SEC22B: variants seen among roughly 807,000 people sequenced by gnomAD.
SEC22B encodes the protein vesicle-trafficking protein SEC22b.
In SEC22B, 10 loss-of-function variants were observed where a neutral mutation model predicts 31.4. The ratio of observed to expected loss-of-function variants is 0.32; its 90% CI spans 0.20 to 0.54. SEC22B has a LOEUF of 0.54. SEC22B is among the 20% of genes least tolerant of loss of function. The pLI, the probability that SEC22B is intolerant of heterozygous loss-of-function variation, is 0.94. For synonymous variants in SEC22B, 60 were observed against 95.9 expected, an observed-to-expected ratio of 0.63 and a Z score of 2.19; for missense variants, 130 against 263.4, an observed-to-expected ratio of 0.49 and a Z score of 3.50.
chr1:120,172,925 G>A (rs1657912129), intron 1 of SEC22B, among the ~76,000 whole-genome samples: 1 of 143,282 alleles, frequency 7.0e-6, no homozygotes, highest in Non-Finnish European at 1.5e-5. Flanking sequence ...AAGATAGAAG[G>A]TAGTAACTAG....
At chr1:120,164,559 T>C (rs1657775710) in intron 2 of SEC22B, among the ~76,000 whole-genome samples, 1 of 152,202 alleles carries the variant, frequency 6.6e-6, no homozygotes. Context: ...ACTTAGGTAA[T>C]GACTTCCAGC....
rs1454769987 is a variant in SEC22B at position 120,151,603 on chromosome 1, T to A, written c.*5435A>T. 3 of 150,990 alleles carry A rather than the reference T, an allele frequency of 2.0e-5. No homozygotes were observed. The highest frequency in any genetic ancestry group is 7.4e-5 in the African/African-American group (3 of 40,802). The allele number at this position is 150,990 out of a possible 1,614,324, so 9.4% of individuals were successfully genotyped here. A position where few individuals can be genotyped will look rare whatever the true frequency, so the allele number is the denominator to read the frequency against. On this transcript the variant is annotated 3_prime_UTR_variant, in exon 5 of 5. Transcript: ENST00000578049. ...ATCACTTGAACCCGGGAGGTGGAGG[T>A]TGCAGTGAGCTGAGATCGCGCCACT...
chr1:120,165,615 GC>G (rs1408859922), intron 2 of SEC22B, among the ~76,000 whole-genome samples: 6 of 151,970 alleles, frequency 3.9e-5, no homozygotes, highest in Non-Finnish European at 7.4e-5. Context: ...GTAGGAGTTT[GC>G]AAATATTTTC....
rs1261647078 is a variant in SEC22B at position 120,151,785 on chromosome 1, TG to T, written c.*5252del. 1 of 151,366 alleles carries T rather than the reference TG, an allele frequency of 6.6e-6. No individual in the cohort carries two copies. Among genetic ancestry groups the T allele is most frequent in the Non-Finnish European group, 1.5e-5 (1 of 67,768 alleles). 9.4% of individuals were successfully genotyped at this position (151,366 alleles called of 1,614,324 possible). ...ATCCATGTTAAAGTTAATGAGGGCTTGAACCCAAACATAAAGGATGGAAATG... is the reference window on the plus strand; with the variant it reads ...ATCCATGTTAAAGTTAATGAGGGCTTAACCCAAACATAAAGGATGGAAATG... On this transcript the variant is annotated 3_prime_UTR_variant, in exon 5 of 5. Coordinates refer to ENST00000578049, the MANE Select transcript of SEC22B (RefSeq NM_004892.6).
At position 120,152,102 on chromosome 1, in the gene SEC22B, A is replaced by G. The variant is rs1369297194; in HGVS notation, c.*4936T>C. On this transcript the variant is annotated 3_prime_UTR_variant, in exon 5 of 5. Transcript: ENST00000578049. The stretch of plus-strand genomic sequence containing the variant: ...GCCCAAAAAACAAGTTTGAAGGTAT[A>G]TTTGGGAGTTACCAGTAATATAGGT... 1 of 152,114 alleles carries G rather than the reference A, an allele frequency of 6.6e-6. No homozygotes were observed. Among genetic ancestry groups the G allele is most frequent in the African/African-American group, 2.4e-5 (1 of 41,388 alleles). 9.4% of individuals were successfully genotyped at this position (152,114 alleles called of 1,614,324 possible).
chr1:120,163,576 T>TTTTTTG (rs1657753936), intron 2 of SEC22B, among the ~76,000 whole-genome samples: 2 of 133,144 alleles, frequency 1.5e-5, no homozygotes, highest in African/African-American at 7.8e-5. Context: ...ATATTCTTTT[T>TTTTTTG]TTTTTCTTTT....
At chr1:120,160,738 A>T (rs1353001940) in intron 3 of SEC22B, among the ~76,000 whole-genome samples, 3 of 151,980 alleles carry the variant, frequency 2.0e-5, no homozygotes, top group African/African-American at 7.3e-5. Context: ...AAATATAAAA[A>T]GTTAGCCAGG....
In SEC22B at chr1:120,152,581, G is replaced by C. The variant is rs1377690380; in HGVS notation, c.*4457C>G. On this transcript the variant is annotated 3_prime_UTR_variant, in exon 5 of 5. Coordinates refer to ENST00000578049, the MANE Select transcript of SEC22B (RefSeq NM_004892.6). ...TTGGATTAACATTGAGATCAAATGA[G>C]AAAGGAGCAAATAAGGAAAGAGGTA... is the stretch of plus-strand genomic sequence containing the variant. The C allele has an allele frequency of 6.6e-6, 1 of 150,778 alleles. No individual in the cohort carries two copies. Among genetic ancestry groups the C allele is most frequent in the Admixed American group, 6.6e-5 (1 of 15,142 alleles). The allele number at this position is 150,778 out of a possible 1,614,324, so 9.3% of individuals were successfully genotyped here.
At chr1:120,159,554 A>G (rs1657682476) in intron 4 of SEC22B, among the ~76,000 whole-genome samples, 1 of 148,972 alleles carries the variant, frequency 6.7e-6, no homozygotes, top group South Asian at 2.1e-4. Context: ...TTAAATATAT[A>G]TTTAATATGG....
rs1397956596 is a variant in SEC22B at position 120,153,402 on chromosome 1, GA to G, written c.*3635del. On this transcript the variant is annotated 3_prime_UTR_variant, in exon 5 of 5. Transcript: ENST00000578049. ...AATAAGGTGGAAATTTAAAATATGA[GA>G]TATTTTATTATACATGTTTTATTAA... 2 of 151,362 alleles carry G rather than the reference GA, an allele frequency of 1.3e-5. No homozygotes were observed. Among genetic ancestry groups the G allele is most frequent in the African/African-American group, 4.9e-5 (2 of 40,990 alleles). 9.4% of individuals were successfully genotyped at this position (151,362 alleles called of 1,614,324 possible). A position where few individuals can be genotyped will look rare whatever the true frequency, so the allele number is the denominator to read the frequency against.
At chr1:120,167,026 T>A (rs1468237426) in intron 2 of SEC22B, among the ~76,000 whole-genome samples, 6 of 147,246 alleles carry the variant, frequency 4.1e-5, no homozygotes, top group African/African-American at 1.6e-4. Flanking sequence ...TCCTGAGGCA[T>A]CCTAGGGCTC....
rs1553229035 is a variant in SEC22B at position 120,153,843 on chromosome 1, A to C, written c.*3195T>G. ...AAACAGTATGTGATACTTGATGTGC[A>C]TGTACACAGGAACATTTTTCTAGAG... On this transcript the variant is annotated 3_prime_UTR_variant, in exon 5 of 5. Transcript: ENST00000578049. 6.8e-6 allele frequency: 1 copy of C among 146,912 alleles called. No individual in the cohort carries two copies. Among genetic ancestry groups the C allele is most frequent in the Non-Finnish European group, 1.5e-5 (1 of 67,172 alleles). 9.1% of individuals were successfully genotyped at this position (146,912 alleles called of 1,614,324 possible). A position where few individuals can be genotyped will look rare whatever the true frequency, so the allele number is the denominator to read the frequency against.
At chr1:120,170,604 C>T (rs1172925847) in intron 1 of SEC22B, among the ~76,000 whole-genome samples, 3,532 of 151,284 alleles carry the variant, frequency 0.023, 142 homozygotes, top group African/African-American at 0.083. Flanking sequence ...TGTTTAATAC[C>T]ACTGTTATGG....
At chr1:120,170,989 TTAA>T (rs1417505008) in intron 1 of SEC22B, among the ~76,000 whole-genome samples, 1 of 129,936 alleles carries the variant, frequency 7.7e-6, no homozygotes, top group Non-Finnish European at 1.5e-5. Flanking sequence ...TTAAAATTCT[TTAA>T]TAAAAAAAAG....
intron 3 of SEC22B, among the ~76,000 whole-genome samples, chr1:120,162,690 T>C (rs1396604762): frequency 1.3e-5 from 2 of 152,244 alleles, no homozygotes; most frequent in African/African-American, 4.8e-5. Flanking sequence ...TATTCCTGAA[T>C]GTAGTAAATA....
At chr1:120,173,087 C>T (rs1225344295) in intron 1 of SEC22B, among the ~76,000 whole-genome samples, 3 of 140,836 alleles carry the variant, frequency 2.1e-5, no homozygotes, top group Non-Finnish European at 4.6e-5. Flanking sequence ...GGTCAAAGAC[C>T]AGCAGCACCA....
In SEC22B at chr1:120,160,511, G is replaced by C. The variant is rs1301852610; in HGVS notation, c.366C>G (p.Thr122=). 105 of 1,588,470 alleles carry C rather than the reference G, an allele frequency of 6.6e-5. No individual in the cohort carries two copies. Among genetic ancestry groups the C allele is most frequent in the Non-Finnish European group, 8.7e-5 (101 of 1,167,400 alleles). Residue 122 remains threonine, a synonymous_variant, in exon 4 of 5, where the codon ACC becomes ACG. Coordinates refer to ENST00000578049, the MANE Select transcript of SEC22B (RefSeq NM_004892.6). ...CACGACTGTCAATGTAGAGCTTCTT[G>C]GTTTTCTGAATGAAAGTATCTAGAA... ...FIEFDTFIQK[T]KKLYIDSRAR...
chr1:120,166,721 C>T (rs1657817981), intron 2 of SEC22B, among the ~76,000 whole-genome samples: 1 of 149,578 alleles, frequency 6.7e-6, no homozygotes, highest in African/African-American at 2.5e-5. Flanking sequence ...TGGTGTTCTG[C>T]AGAACTGTAG....
rs1285313319 is a variant in SEC22B, at chr1:120,164,810, T to C, written c.186-1440A>G. On this transcript the variant is annotated intron_variant, in intron 2 of 4. Coordinates refer to ENST00000578049, the MANE Select transcript of SEC22B (RefSeq NM_004892.6). ...GGTTTGCTGGGTCTAATGGTAGTTCTGTTTTAAGTTCTTTGAAAAATCTCT... is the reference window on the plus strand; with the variant it reads ...GGTTTGCTGGGTCTAATGGTAGTTCCGTTTTAAGTTCTTTGAAAAATCTCT... 1.2e-4 allele frequency among the ~76,000 whole-genome samples: 18 copies of C among 152,110 alleles called. 1 individual carries two copies. The highest frequency in any genetic ancestry group is 2.5e-4 in the Non-Finnish European group (17 of 68,014).
Sources: gnomAD v4.1 joint callset for allele counts (sites outside exome capture counted in the v4.1 genomes callset) on GRCh38, gnomAD v4.1.1 for gene constraint, MANE v1.5 for transcripts, NCBI Gene and HGNC (gene_info 2026-07-23, HGNC 2026-07-21) for gene names.